MYL5: variants seen among roughly 807,000 people sequenced by gnomAD.
MYL5 encodes myosin light chain 5.
In MYL5, 28 loss-of-function variants were observed where a neutral mutation model predicts 20.8. The observed-to-expected ratio is 1.35, with a 90% CI of 1.00 to 1.84. The LOEUF is 1.84. Among genes scored for constraint, MYL5 ranks in the 40% most tolerant of loss-of-function variants. The pLI is 0.00. For missense variants in MYL5, 274 were observed against 227.3 expected, an observed-to-expected ratio of 1.21 and a Z score of -1.32; for synonymous variants, 118 against 87.4, an observed-to-expected ratio of 1.35 and a Z score of -1.95.
upstream of MYL5, chr4:675,663 G>A (rs985115614): frequency 2.0e-5 from 3 of 152,414 alleles, no homozygotes; most frequent in African/African-American, 7.2e-5. Flanking sequence ...AGTCCTATAG[G>A]GCAGGGGTCC....
upstream of MYL5, chr4:676,164 T>C (rs905561427): frequency 1.8e-4 from 27 of 152,360 alleles, no homozygotes; most frequent in African/African-American, 6.5e-4. Context: ...CAGAACCATC[T>C]TGGCCCTCGG....
chr4:678,562 C>T, intron 1 of MYL5, 96 bp from the exon 4 acceptor site: 1 of 1,504,420 alleles, frequency 6.6e-7, no homozygotes, highest in Middle Eastern at 2.2e-4. Context: ...GGCTGAGGTC[C>T]ACCCTTCATC....
At chr4:677,957 C>G (rs973666627) in exon 1 of MYL5, 5 of 1,612,658 alleles carry the variant, frequency 3.1e-6, no homozygotes, top group Non-Finnish European at 4.2e-6. Context: ...TCCTGGGGGA[C>G]CAAGCAGGAG....
At chr4:679,631 C>A (rs1274865897) in intron 3 of MYL5, among the ~76,000 whole-genome samples, 1 of 152,202 alleles carries the variant, frequency 6.6e-6, no homozygotes, top group Admixed American at 6.5e-5. Flanking sequence ...TTCCTCTCGG[C>A]CCTGCTTATG....
chr4:682,002 C>A (rs143423821), exon 7 of MYL5: 3 of 1,420,468 alleles, frequency 2.1e-6, no homozygotes, highest in Non-Finnish European at 2.8e-6. Context: ...TGAGACCCAG[C>A]CGGGTCAATA....
upstream of MYL5, among the ~76,000 whole-genome samples, chr4:676,698 T>C (rs1738875492): frequency 6.6e-6 from 1 of 152,100 alleles, no homozygotes; most frequent in Non-Finnish European, 1.5e-5. Flanking sequence ...CTCGGTGTGG[T>C]TCTCCCCACT....
chr4:678,155 G>C (rs1400301356), intron 1 of MYL5, 126 bp downstream of exon 3: 1 of 1,546,612 alleles, frequency 6.5e-7, no homozygotes. Context: ...GTGGGCGTGT[G>C]CTCTGCCTGC....
chr4:681,505 C>A (rs2109364334), intron 6 of MYL5, among the ~76,000 whole-genome samples: 1 of 149,668 alleles, frequency 6.7e-6, no homozygotes, highest in East Asian at 2.0e-4. Flanking sequence ...CCCTCAGGAC[C>A]CCCGCACCTC....
chr4:679,118 C>A, intron 3 of MYL5, 85 bp downstream of exon 5: 1 of 1,126,770 alleles, frequency 8.9e-7, no homozygotes, highest in South Asian at 1.5e-5. Flanking sequence ...GGCCCCTCCT[C>A]GAATGGAGCC....
intron 6 of MYL5, 171 bp from the exon 9 acceptor site, chr4:681,722 C>T (rs1284087986): frequency 4.1e-6 from 1 of 245,340 alleles, no homozygotes; most frequent in African/African-American, 3.5e-5. Flanking sequence ...CCAGCGCCGC[C>T]CCGCCCCCTC....
In MYL5 at chr4:681,919, C is replaced by T. The variant is rs1428504306; in HGVS notation, c.447C>T (p.Ser149=). 5 of 1,321,028 alleles carry T rather than the reference C, an allele frequency of 3.8e-6. No individual in the cohort carries two copies. In the African/African-American group the frequency reaches 7.5e-5, roughly 20 times the overall value. 81.8% of individuals were successfully genotyped at this position (1,321,028 alleles called of 1,614,324 possible). The change falls in exon 7 of 7, where the codon TCC becomes TCT. Residue 149 remains serine, a synonymous_variant. Transcript: ENST00000400159. ...TGGACCAGATGTTCCAGTTCGCCTCCATCGATGTGGCGGGCAACCTGGACT... is the reference window on the plus strand; with the variant it reads ...TGGACCAGATGTTCCAGTTCGCCTCTATCGATGTGGCGGGCAACCTGGACT...
upstream of MYL5, chr4:675,860 A>G (rs1365846872): frequency 6.6e-6 from 1 of 152,264 alleles, no homozygotes; most frequent in Non-Finnish European, 1.5e-5. Flanking sequence ...CTCTGGTGAG[A>G]ATCTAATGCC....
chr4:674,640 C>G, upstream of MYL5: 5 of 280,932 alleles, frequency 1.8e-5, no homozygotes, highest in Non-Finnish European at 3.4e-5. Context: ...GACTGCGGGC[C>G]GGGGCGCACT....
chr4:678,666 G>T lies in MYL5; in HGVS notation c.12G>T (p.Arg4Ser), dbSNP rs776201829. The change falls in exon 2 of 7, where the codon AGG becomes AGT. Residue 4 changes from arginine (R) to serine (S), a missense_variant. Transcript: ENST00000400159. ...TGGTGCTCCCACCGCAGGCCAGCAG[G>T]AAGACCAAGAAGAAGGAAGGGGGTG... The T allele has an allele frequency of 5.6e-6, 9 of 1,608,066 alleles. No homozygotes were observed. The South Asian group carries it at 1.0e-4, about 18-fold the overall frequency.
chr4:680,653 A>C (rs543001242), intron 5 of MYL5, 66 bp downstream of exon 7: 202 of 1,520,364 alleles, frequency 1.3e-4, no homozygotes, highest in South Asian at 1.1e-3. Flanking sequence ...TCCTGTCCCA[A>C]AAGGGACAGT....
chr4:677,747 G>T (rs1201897678), upstream of MYL5, among the ~76,000 whole-genome samples: 1 of 152,280 alleles, frequency 6.6e-6, no homozygotes, highest in East Asian at 1.9e-4. Flanking sequence ...GGAGAACAAA[G>T]CCTCCCCGGG....
chr4:681,246 G>C, intron 6 of MYL5, 106 bp downstream of exon 8: 1 of 1,387,520 alleles, frequency 7.2e-7, no homozygotes, highest in East Asian at 2.5e-5. Context: ...CCGCGGTTAG[G>C]ACCCAGGACA....
chr4:681,988 G>C lies in MYL5; in HGVS notation c.516G>C (p.Glu172Asp), dbSNP rs76052398. The C allele has an allele frequency of 9.3e-3, 13,155 of 1,410,302 alleles. 167 individuals are homozygous for C. The highest frequency in any genetic ancestry group is 0.049 in the South Asian group (3,084 of 63,402). The allele number at this position is 1,410,302 out of a possible 1,614,324, so 87.4% of individuals were successfully genotyped here. ...TGATCACCCACGGGGAGGAGAAGGA[G>C]GAGTGAGACCCAGCCGGGTCAATAA... The change falls in exon 7 of 7, where the codon GAG becomes GAC. Residue 172 changes from glutamate (E) to aspartate (D), a missense_variant. By Grantham distance (45) the Glu-to-Asp change is conservative (BLOSUM62 2). Coordinates refer to ENST00000400159, the Ensembl canonical transcript of MYL5.
upstream of MYL5, chr4:677,035 G>A (rs1251583819): frequency 5.0e-6 from 3 of 598,822 alleles, no homozygotes; most frequent in African/African-American, 4.0e-5. Context: ...TGCAGACACG[G>A]TGGCGCCCCC....
Sources: gnomAD v4.1 joint callset for allele counts (sites outside exome capture counted in the v4.1 genomes callset) on GRCh38, gnomAD v4.1.1 for gene constraint, MANE v1.5 for transcripts, NCBI Gene and HGNC (gene_info 2026-07-23, HGNC 2026-07-21) for gene names.